The following EVI5 variants were observed in gnomAD, a reference collection of about 807,000 sequenced individuals.
EVI5 encodes ecotropic viral integration site 5 protein homolog.
In EVI5, 73 loss-of-function variants were observed where a neutral mutation model predicts 112.0. The ratio of observed to expected loss-of-function variants is 0.65; its 90% CI spans 0.54 to 0.79. EVI5 has a LOEUF of 0.79. Ranked by LOEUF, EVI5 falls within the 30% of genes least tolerant of loss-of-function variation. The pLI is 0.00. For synonymous variants in EVI5, 305 were observed against 319.9 expected, an observed-to-expected ratio of 0.95 and a Z score of 0.50; for missense variants, 900 against 968.8, an observed-to-expected ratio of 0.93 and a Z score of 0.94.
At chr1:92,590,977 G>A (rs1160320306) in intron 18 of EVI5, among the ~76,000 whole-genome samples, 2 of 152,164 alleles carry the variant, frequency 1.3e-5, no homozygotes, top group African/African-American at 4.8e-5. Flanking sequence ...TTAAAGAAAA[G>A]AATTTTCAAC....
intron 18 of EVI5, among the ~76,000 whole-genome samples, chr1:92,572,184 C>T (rs535258879): frequency 1.4e-4 from 21 of 152,146 alleles, no homozygotes; most frequent in African/African-American, 4.8e-4. Context: ...AAATGGTCAT[C>T]AATAACTCAA....
chr1:92,636,531 T>A (rs536544656), intron 13 of EVI5, among the ~76,000 whole-genome samples, 195 bp from the exon 14 acceptor site: 1 of 152,240 alleles, frequency 6.6e-6, no homozygotes, highest in African/African-American at 2.4e-5. Flanking sequence ...CTTTGATATC[T>A]ATAAAGATGA....
Position 92,759,275 on chromosome 1 carries a change from T to C in EVI5, c.-81-22648A>G, listed in dbSNP as rs562391620. On this transcript the variant is annotated intron_variant, in intron 1 of 19. Transcript: ENST00000684568. ...AAATGTTTTCATTATAAGTGATCCA[T>C]ATTTATGGAAAAAAAGAAAACCAAG... Among the ~76,000 whole-genome samples the C allele has an allele frequency of 1.4e-3, 215 of 152,248 alleles. 1 individual carries two copies. The highest frequency in any genetic ancestry group is 4.9e-3 in the African/African-American group (204 of 41,554).
chr1:92,559,876 A>G (rs1456902687), intron 19 of EVI5, among the ~76,000 whole-genome samples: 6 of 152,044 alleles, frequency 3.9e-5, no homozygotes, highest in Admixed American at 3.3e-4. Flanking sequence ...TTCATTAGAA[A>G]CATTTTCACA....
intron 16 of EVI5, chr1:92,622,205 T>C: frequency 3.5e-6 from 1 of 286,688 alleles, no homozygotes; most frequent in South Asian, 3.1e-5. Flanking sequence ...TGTATCTCTA[T>C]GTGATCTACA....
intron 13 of EVI5, among the ~76,000 whole-genome samples, chr1:92,643,814 G>A (rs1660450849): frequency 6.6e-6 from 1 of 152,072 alleles, no homozygotes; most frequent in South Asian, 2.1e-4. Context: ...CAATAGCATT[G>A]AAACTATTAA....
intron 18 of EVI5, among the ~76,000 whole-genome samples, chr1:92,565,256 T>C (rs999245414): frequency 1.3e-5 from 2 of 152,176 alleles, no homozygotes; most frequent in African/African-American, 4.8e-5. Context: ...CAAACACACA[T>C]GAATACATGC....
chr1:92,698,047 G>A, intron 5 of EVI5, 62 bp from the exon 6 acceptor site: 1 of 1,489,906 alleles, frequency 6.7e-7, no homozygotes, highest in South Asian at 1.2e-5. Context: ...ATAAACCAAT[G>A]ATATTTAAAC....
intron 3 of EVI5, 160 bp from the exon 4 acceptor site, chr1:92,703,779 G>A (rs1671553153): frequency 1.7e-6 from 1 of 578,142 alleles, no homozygotes; most frequent in Non-Finnish European, 3.0e-6. Flanking sequence ...TGTAAGTCAA[G>A]GGTAAGATTG....
At chr1:92,617,055 G>T (rs1239330762) in intron 16 of EVI5, among the ~76,000 whole-genome samples, 1 of 152,182 alleles carries the variant, frequency 6.6e-6, no homozygotes, top group Non-Finnish European at 1.5e-5. Flanking sequence ...AGTTCCCTAT[G>T]ATCAGCTGAC....
intron 19 of EVI5, among the ~76,000 whole-genome samples, chr1:92,561,937 G>A (rs1256164104): frequency 6.6e-6 from 1 of 152,104 alleles, no homozygotes; most frequent in African/African-American, 2.4e-5. Flanking sequence ...CACCTGGTCA[G>A]AATATCATTA....
chr1:92,526,376 G>A (rs1416044328), intron 19 of EVI5, among the ~76,000 whole-genome samples: 1 of 152,078 alleles, frequency 6.6e-6, no homozygotes, highest in African/African-American at 2.4e-5. Flanking sequence ...ATTCTTTCTA[G>A]CTAGAAATTA....
chr1:92,737,340 T>C (rs914793701), intron 1 of EVI5, among the ~76,000 whole-genome samples: 2 of 152,168 alleles, frequency 1.3e-5, no homozygotes, highest in South Asian at 2.1e-4. Flanking sequence ...TCTCTACCAA[T>C]AGCTACGTTA....
At chr1:92,690,248 G>C (rs1317296749) in intron 9 of EVI5, among the ~76,000 whole-genome samples, 1 of 152,100 alleles carries the variant, frequency 6.6e-6, no homozygotes, top group African/African-American at 2.4e-5. Flanking sequence ...AAAAGGTTAT[G>C]AAGAAAGCTG....
chr1:92,788,819 A>C (rs1013826231), upstream of EVI5, among the ~76,000 whole-genome samples: 5 of 152,184 alleles, frequency 3.3e-5, no homozygotes, highest in Middle Eastern at 3.4e-3. Context: ...AACAAAAAAA[A>C]CCCCATAAAA....
intron 5 of EVI5, among the ~76,000 whole-genome samples, chr1:92,698,440 G>A (rs559950172): frequency 2.0e-5 from 3 of 152,242 alleles, no homozygotes; most frequent in East Asian, 1.9e-4. Flanking sequence ...GGAGACACAC[G>A]GCTATTGATA....
Position 92,703,401 on chromosome 1 carries a change from T to A in EVI5, c.558A>T (p.Val186=), listed in dbSNP as rs752982938. The A allele has an allele frequency of 6.5e-6, 10 of 1,532,722 alleles. No individual in the cohort carries two copies. In the Middle Eastern group the frequency reaches 6.9e-4, roughly 106 times the overall value. The allele number at this position is 1,532,722 out of a possible 1,614,324, so 94.9% of individuals were successfully genotyped here. A position where few individuals can be genotyped will look rare whatever the true frequency, so the allele number is the denominator to read the frequency against. ...DSLGQEVLFN[V]MKAYSLVDRE... ...ATGAATAAATAAAACTTACCTTCAT[T>A]ACATTAAATAAAACCTCCTGTCCAA... The change falls in exon 4 of 20, where the codon GTA becomes GTT. Residue 186 remains valine, a synonymous_variant. Transcript: ENST00000684568.
At chr1:92,660,068 C>T (rs1272426083) in intron 13 of EVI5, among the ~76,000 whole-genome samples, 1 of 151,818 alleles carries the variant, frequency 6.6e-6, no homozygotes, top group African/African-American at 2.4e-5. Flanking sequence ...ACACTGGAGA[C>T]TCAGAAAGGT....
intron 14 of EVI5, among the ~76,000 whole-genome samples, chr1:92,629,695 T>G (rs922952542): frequency 7.2e-5 from 11 of 152,162 alleles, no homozygotes; most frequent in African/African-American, 2.7e-4. Context: ...CTTTAAGTTT[T>G]AGGGTACATG....
Sources: gnomAD v4.1 joint callset for allele counts (sites outside exome capture counted in the v4.1 genomes callset) on GRCh38, gnomAD v4.1.1 for gene constraint, MANE v1.5 for transcripts, NCBI Gene and HGNC (gene_info 2026-07-23, HGNC 2026-07-21) for gene names.